The following LAMA2 variants were observed in gnomAD, a reference collection of about 807,000 sequenced individuals.
LAMA2 encodes laminin subunit alpha-2.
A neutral mutation model predicts 364.8 loss-of-function variants in LAMA2; 269 were observed. The ratio of observed to expected loss-of-function variants is 0.74; its 90% CI spans 0.67 to 0.82. The LOEUF (loss-of-function observed/expected upper bound fraction) is 0.82, where lower values mean the gene tolerates loss of function less well. Among genes scored for constraint, LAMA2 ranks in the 40% least tolerant of loss-of-function variants. The probability of loss-of-function intolerance (pLI) is 0.00; values close to 1 mark genes in which losing one functional copy is unlikely to be tolerated. For synonymous variants in LAMA2, 1,379 were observed against 1,370.6 expected (o/e 1.01, Z -0.14); for missense variants, 3,807 against 3,873.2 (o/e 0.98, Z 0.45).
intron 4 of LAMA2, among the ~76,000 whole-genome samples, chr6:129,105,219 G>A (rs1775750399): frequency 6.6e-6 from 1 of 152,118 alleles, no homozygotes; most frequent in Non-Finnish European, 1.5e-5. Context: ...GCCAACCACA[G>A]GGTAGAGCTC....
intron 9 of LAMA2, among the ~76,000 whole-genome samples, chr6:129,171,365 G>C (rs531537716): frequency 6.2e-4 from 95 of 152,190 alleles, no homozygotes; most frequent in African/African-American, 2.1e-3. Flanking sequence ...TTTAGGGCAG[G>C]ACTGGTGGTG....
At chr6:128,910,997 T>C (rs7762050) in intron 1 of LAMA2, among the ~76,000 whole-genome samples, 30,655 of 147,442 alleles carry the variant, frequency 0.21, 4,908 homozygotes, top group African/African-American at 0.45. Context: ...TGCCCGTTCT[T>C]AGATCTCCAG....
At chr6:129,051,624 A>AT (rs2114777659) in intron 2 of LAMA2, among the ~76,000 whole-genome samples, 1 of 149,026 alleles carries the variant, frequency 6.7e-6, no homozygotes, top group African/African-American at 2.4e-5. Flanking sequence ...TAAAAGGTAG[A>AT]TATATATTAT....
intron 1 of LAMA2, among the ~76,000 whole-genome samples, chr6:129,030,493 T>G (rs1786149128): frequency 6.6e-6 from 1 of 152,104 alleles, no homozygotes; most frequent in South Asian, 2.1e-4. Context: ...TTACTAATCT[T>G]CCATTATTTT....
intron 58 of LAMA2, among the ~76,000 whole-genome samples, chr6:129,500,584 A>T (rs56077289): frequency 0.034 from 5,222 of 152,316 alleles, 195 homozygotes; most frequent in African/African-American, 0.09. Context: ...AATGATTCTT[A>T]AAAGAACTTT....
intron 56 of LAMA2, 60 bp downstream of exon 56, chr6:129,486,682 C>G: frequency 6.8e-7 from 1 of 1,470,002 alleles, no homozygotes; most frequent in Non-Finnish European, 9.5e-7. Context: ...TTGCTAGCAT[C>G]GGTATCTATC....
At chr6:128,935,221 ACC>A (rs1238160356) in intron 1 of LAMA2, among the ~76,000 whole-genome samples, 2 of 71,026 alleles carry the variant, frequency 2.8e-5, no homozygotes, top group Non-Finnish European at 5.6e-5. Context: ...CCAGCCCCAC[ACC>A]CCCCCCAACA....
intron 34 of LAMA2, among the ~76,000 whole-genome samples, 160 bp from the exon 35 acceptor site, chr6:129,382,962 C>T (rs555561709): frequency 2.6e-5 from 4 of 152,264 alleles, no homozygotes; most frequent in Non-Finnish European, 4.4e-5. Context: ...TAATTGTATA[C>T]GTGAGCATGG....
intron 4 of LAMA2, among the ~76,000 whole-genome samples, chr6:129,139,441 C>A (rs1343901759): frequency 6.6e-6 from 1 of 152,034 alleles, no homozygotes; most frequent in Non-Finnish European, 1.5e-5. Context: ...ATTTACATAG[C>A]CTTTACATTG....
intron 32 of LAMA2, among the ~76,000 whole-genome samples, chr6:129,362,196 C>G (rs1777504257): frequency 6.6e-6 from 1 of 152,160 alleles, no homozygotes; most frequent in South Asian, 2.1e-4. Flanking sequence ...CCATCTCTCC[C>G]TTTCCTGAGT....
chr6:128,927,706 C>T (rs1347027854), intron 1 of LAMA2, among the ~76,000 whole-genome samples: 1 of 152,068 alleles, frequency 6.6e-6, no homozygotes, highest in South Asian at 2.1e-4. Flanking sequence ...AGATCCCTAT[C>T]TTTCTTCCCG....
At chr6:129,403,229 G>T (rs1780072444) in intron 39 of LAMA2, among the ~76,000 whole-genome samples, 1 of 151,114 alleles carries the variant, frequency 6.6e-6, no homozygotes. Flanking sequence ...AAATGCTAAT[G>T]TTTGAAGACC....
intron 8 of LAMA2, chr6:129,157,997 A>G (rs1779224678): frequency 1.9e-6 from 3 of 1,612,712 alleles, no homozygotes; most frequent in African/African-American, 2.7e-5. Flanking sequence ...CAATGCAGCA[A>G]CTCCCATTTT....
At chr6:129,418,613 T>A (rs1411994351) in intron 40 of LAMA2, among the ~76,000 whole-genome samples, 1 of 152,112 alleles carries the variant, frequency 6.6e-6, no homozygotes, top group Non-Finnish European at 1.5e-5. Flanking sequence ...TTTTTATTGA[T>A]CAGAATTAGG....
chr6:129,016,775 T>C (rs1421186961), intron 1 of LAMA2, among the ~76,000 whole-genome samples: 3 of 151,894 alleles, frequency 2.0e-5, no homozygotes, highest in Non-Finnish European at 4.4e-5. Context: ...ATTAAAATAA[T>C]ATACTGATAA....
At chr6:129,107,474 A>G (rs1477240481) in intron 4 of LAMA2, among the ~76,000 whole-genome samples, 1 of 152,162 alleles carries the variant, frequency 6.6e-6, no homozygotes, top group African/African-American at 2.4e-5. Flanking sequence ...AGGCTACTGA[A>G]CAAGACTGAA....
chr6:129,459,761 TG>T (rs1337172294), intron 48 of LAMA2, among the ~76,000 whole-genome samples: 2 of 152,082 alleles, frequency 1.3e-5, no homozygotes, highest in Non-Finnish European at 2.9e-5. Context: ...AAGAAAATTA[TG>T]TAGGAGCACT....
rs1297585112 is a variant in LAMA2 at position 129,438,694 on chromosome 6, A to T, written c.6017A>T (p.Asp2006Val). 4 of 1,610,318 alleles carry T rather than the reference A, an allele frequency of 2.5e-6. No homozygotes were observed. Among genetic ancestry groups the T allele is most frequent in the South Asian group, 1.1e-5 (1 of 90,996 alleles). The stretch of plus-strand genomic sequence containing the variant: ...TTAAAAACCAGGATAGAAAATGCTG[A>T]TGCTAGAAATGGGGATCTCTTGAGA... ...NGLKTRIENA[D>V]ARNGDLLRTL... The change falls in exon 42 of 65, where the codon GAT (aspartate) becomes GTT (valine). Residue 2006 changes from aspartate to valine, a missense_variant. By Grantham distance (152) the Asp-to-Val change is radical. Coordinates refer to ENST00000421865, the MANE Select transcript of LAMA2 (RefSeq NM_000426.4).
chr6:129,011,203 G>C (rs1417302538), intron 1 of LAMA2, among the ~76,000 whole-genome samples: 2 of 152,222 alleles, frequency 1.3e-5, no homozygotes, highest in Non-Finnish European at 1.5e-5. Flanking sequence ...ACTATTCTTT[G>C]TACCTCTCTC....
Sources: allele counts gnomAD v4.1 joint callset (sites outside exome capture counted in the v4.1 genomes callset), GRCh38; gene constraint gnomAD v4.1.1; transcripts MANE v1.5; gene names NCBI Gene and HGNC (gene_info 2026-07-23, HGNC 2026-07-21).